SLC22A17: variants seen among roughly 807,000 people sequenced by gnomAD.
The protein encoded by SLC22A17 is 24p3 receptor.
SLC22A17 carries 38 observed loss-of-function variants against 53.6 expected under a neutral mutation model. That is an observed-to-expected ratio of 0.71 (90% CI 0.55 to 0.93). The LOEUF is 0.93. Ranked by LOEUF, SLC22A17 falls within the 40% of genes least tolerant of loss-of-function variation. The pLI is 0.00. For missense variants in SLC22A17, 704 were observed against 791.0 expected, an observed-to-expected ratio of 0.89 and a Z score of 1.32; for synonymous variants, 379 against 353.0, an observed-to-expected ratio of 1.07 and a Z score of -0.82.
chr14:23,348,452 A>G lies in SLC22A17; in HGVS notation c.1025+54T>C, dbSNP rs977651413. The G allele has an allele frequency of 5.0e-6, 8 of 1,596,392 alleles. 1 individual carries two copies. The Admixed American group carries it at 6.8e-5, about 13-fold the overall frequency. ...GAGGAGGGGTCTCCGGGCTAGGGCT[A>G]GTTTGGAGGCAGAGATGGGAATTGC... On this transcript the variant is annotated intron_variant, in intron 5 of 9. Coordinates refer to ENST00000397267, the Ensembl canonical transcript of SLC22A17. This position sits in a 1 kb window ranked among gnomAD's most constrained non-coding sequence, Gnocchi z 4.5.
chr14:23,346,819 G>A (rs769426522), exon 10 of SLC22A17: 124 of 1,540,694 alleles, frequency 8.0e-5, no homozygotes, highest in Middle Eastern at 2.1e-4. Context: ...AGAGGAGGGC[G>A]CAGGCCGCCA....
chr14:23,351,074 G>T (rs765393537), intron 3 of SLC22A17: 2 of 152,246 alleles, frequency 1.3e-5, no homozygotes, highest in Non-Finnish European at 2.9e-5. Context: ...AGAGTTATTG[G>T]TTGCTGGGAT....
In SLC22A17 at chr14:23,347,126, C is replaced by T; in HGVS notation, c.1636G>A (p.Ala546Thr). ...CGGACAGTGGTGGGGATGACCTCAG[C>T]AGCAAGGAGGGTGCTGAGGATGGCG... is the stretch of plus-strand genomic sequence containing the variant. The change falls in exon 9 of 10, where the codon GCT (alanine) becomes ACT (threonine). Residue 546 changes from alanine (A) to threonine (T), a missense_variant. This residue lies in a region of SLC22A17 where 196 missense variants were observed against 171.5 expected (regional missense o/e 1.14). Transcript: ENST00000397267. The surrounding 1 kb of genome is among the most constrained non-coding windows in gnomAD (Gnocchi z 5.1). The T allele has an allele frequency of 3.1e-6, 5 of 1,613,666 alleles. No individual in the cohort carries two copies. Among genetic ancestry groups the T allele is most frequent in the South Asian group, 2.2e-5 (2 of 91,030 alleles).
At chr14:23,350,444 G>A (rs1889550739) in intron 3 of SLC22A17, among the ~76,000 whole-genome samples, 1 of 152,184 alleles carries the variant, frequency 6.6e-6, no homozygotes, top group African/African-American at 2.4e-5. Flanking sequence ...GTAAGGATAA[G>A]GTCACAGACC....
chr14:23,346,983 T>C, intron 9 of SLC22A17, 47 bp from the exon 10 acceptor site: 1 of 1,499,214 alleles, frequency 6.7e-7, no homozygotes, highest in Non-Finnish European at 8.9e-7. Flanking sequence ...GTAGCCTTGC[T>C]GGGCCCTTCT....
rs780884240 is a variant in SLC22A17, at chr14:23,352,020, C to A, written c.528G>T (p.Pro176=). 11 of 1,610,616 alleles carry A rather than the reference C, an allele frequency of 6.8e-6. No homozygotes were observed. The highest frequency in any genetic ancestry group is 9.3e-6 in the Non-Finnish European group (11 of 1,178,496). The change falls in exon 2 of 10, where the codon CCG becomes CCT. Residue 176 remains proline, a synonymous_variant. Coordinates refer to ENST00000397267, the Ensembl canonical transcript of SLC22A17. This position sits in a 1 kb window ranked among gnomAD's most constrained non-coding sequence, Gnocchi z 7.2. ...AATCCTTGAGGCAATGGTTGAAGTC[C>A]GGCGGGGCGAAGCCGCTGCACGAGG...
rs772146357 is a variant in SLC22A17 at position 23,349,259 on chromosome 14, G to A, written c.859+13C>T. 6.2e-7 allele frequency: 1 copy of A among 1,613,990 alleles called. No homozygotes were observed. Among genetic ancestry groups the A allele is most frequent in the South Asian group, 1.1e-5 (1 of 91,068 alleles). ...AGACCCAAGGGAGGGAATTCTGGGA[G>A]GGTGCCACTTACGCATCAGGTAGAC... On this transcript the variant is annotated intron_variant, in intron 4 of 9. Transcript: ENST00000397267.
intron 3 of SLC22A17, 85 bp downstream of exon 3, chr14:23,351,667 G>A: frequency 1.7e-6 from 2 of 1,159,152 alleles, no homozygotes; most frequent in Non-Finnish European, 2.5e-6. Flanking sequence ...AATCGTCTTC[G>A]ACCTCCTGTA....
chr14:23,347,694 C>T lies in SLC22A17; in HGVS notation c.1315G>A (p.Val439Met). ...TCCGATGGGCTCCCTCCTCCTCCCA[C>T]AGGCTGGTAGCAGTGGCGAATGGCA... Residue 439 changes from valine to methionine, a missense_variant, in exon 8 of 10, where the codon GTG (valine) becomes ATG (methionine). Physicochemically the swap from Val to Met is conservative, Grantham distance 21. Around this residue, in one of 4 missense-constraint regions of SLC22A17, gnomAD observed 435 missense variants for 529.0 expected, o/e 0.82. Coordinates refer to ENST00000397267, the Ensembl canonical transcript of SLC22A17. The surrounding 1 kb of genome is among the most constrained non-coding windows in gnomAD (Gnocchi z 5.1). 1.2e-6 allele frequency: 2 copies of T among 1,614,010 alleles called. No homozygotes were observed. Among genetic ancestry groups the T allele is most frequent in the Non-Finnish European group, 1.7e-6 (2 of 1,180,010 alleles).
exon 4 of SLC22A17, chr14:23,349,397 G>T: frequency 6.2e-7 from 1 of 1,613,792 alleles, no homozygotes; most frequent in Non-Finnish European, 8.5e-7. Context: ...CAGCCCCAAG[G>T]TCAGCAGCAC....
rs1181927209 is a variant in SLC22A17, at chr14:23,347,338, T to G, written c.1549+122A>C. On this transcript the variant is annotated intron_variant, in intron 8 of 9. Transcript: ENST00000397267. The surrounding 1 kb of genome is among the most constrained non-coding windows in gnomAD (Gnocchi z 5.1). Reference sequence around the variant, plus strand: ...TGGGCAGGCTCTGGGCATTCAGTAATTGACTGGGAGAGCAGATGGGGCTGT... The same window carrying G: ...TGGGCAGGCTCTGGGCATTCAGTAAGTGACTGGGAGAGCAGATGGGGCTGT... The G allele has an allele frequency of 7.0e-5, 104 of 1,484,298 alleles. No homozygotes were observed. Among genetic ancestry groups the G allele is most frequent in the Non-Finnish European group, 9.3e-5 (102 of 1,098,552 alleles). The allele number at this position is 1,484,298 out of a possible 1,614,324, so 91.9% of individuals were successfully genotyped here.
chr14:23,349,237 C>T, intron 4 of SLC22A17, 35 bp downstream of exon 4: 1 of 1,613,830 alleles, frequency 6.2e-7, no homozygotes, highest in South Asian at 1.1e-5. Flanking sequence ...AGGCATGAGA[C>T]CCAAGGGAGG....
chr14:23,346,694 C>T lies in SLC22A17; in HGVS notation c.1904G>A (p.Arg635His), dbSNP rs770056116. The change falls in exon 10 of 10, where the codon CGC (arginine) becomes CAC (histidine). Residue 635 changes from arginine to histidine, a missense_variant. Physicochemically the swap from Arg to His is conservative, Grantham distance 29 (BLOSUM62 0). Around this residue, in one of 4 missense-constraint regions of SLC22A17, gnomAD observed 196 missense variants for 171.5 expected, o/e 1.14. Coordinates refer to ENST00000397267, the Ensembl canonical transcript of SLC22A17. ...GGCAAGCAGCGGGACGTGGTCACAG[C>T]GGGTAGGGGGTGGCTGCCGCAGCAG... The T allele has an allele frequency of 5.2e-6, 8 of 1,534,642 alleles. No individual in the cohort carries two copies. Among genetic ancestry groups the T allele is most frequent in the African/African-American group, 2.7e-5 (2 of 74,240 alleles).
In SLC22A17 at chr14:23,349,634, C is replaced by T. The variant is rs1595011213; in HGVS notation, c.705-208G>A. On this transcript the variant is annotated intron_variant, in intron 3 of 9. Transcript: ENST00000397267. ...TGGGCACTGGGGTGTGGTTGTGGTT[C>T]TTTAAGAGGTGGGAACATTGACTCT... is the stretch of plus-strand genomic sequence containing the variant. The T allele has an allele frequency of 5.0e-6, 3 of 604,224 alleles. No individual in the cohort carries two copies. The East Asian group carries it at 8.4e-5, about 17-fold the overall frequency. 37.4% of individuals were successfully genotyped at this position (604,224 alleles called of 1,614,324 possible).
rs769452086 is a variant in SLC22A17, at chr14:23,351,929, G to A, written c.600+19C>T. The stretch of plus-strand genomic sequence containing the variant: ...CTCTCTGCCCGCCCCCAGACCCGCG[G>A]CCCGCCTGGCCGCCTCACCTGGCCG... On this transcript the variant is annotated intron_variant, in intron 2 of 9. Transcript: ENST00000397267. 61 of 1,611,292 alleles carry A rather than the reference G, an allele frequency of 3.8e-5. No individual in the cohort carries two copies. The Admixed American group carries it at 1.0e-3, about 27-fold the overall frequency.
Position 23,348,699 on chromosome 14 carries a change from G to T in SLC22A17, c.860-28C>A, listed in dbSNP as rs1379241641. ...GGAGATACAGCAGGGGTGGAGAGAG[G>T]AGAGGGAGGCCAGGGAGGAAGAAGG... On this transcript the variant is annotated intron_variant, in intron 4 of 9. Transcript: ENST00000397267. This position sits in a 1 kb window ranked among gnomAD's most constrained non-coding sequence, Gnocchi z 4.5. 1 of 1,583,186 alleles carries T rather than the reference G, an allele frequency of 6.3e-7. No homozygotes were observed. Among genetic ancestry groups the T allele is most frequent in the Non-Finnish European group, 8.6e-7 (1 of 1,165,782 alleles).
Position 23,352,344 on chromosome 14 carries a change from G to A in SLC22A17, c.204C>T (p.Ser68=). The change falls in exon 2 of 10, where the codon AGC becomes AGT. Residue 68 remains serine (S), a synonymous_variant. Coordinates refer to ENST00000397267, the Ensembl canonical transcript of SLC22A17. The surrounding 1 kb of genome is among the most constrained non-coding windows in gnomAD (Gnocchi z 7.2). ...GGCCTGGGGGCACGGCCAGCGACAGGCTGCTGCCCAGTCCGTCGCCGCCCG... is the reference window on the plus strand; with the variant it reads ...GGCCTGGGGGCACGGCCAGCGACAGACTGCTGCCCAGTCCGTCGCCGCCCG... 1 of 1,092,426 alleles carries A rather than the reference G, an allele frequency of 9.2e-7. No homozygotes were observed. Among genetic ancestry groups the A allele is most frequent in the Non-Finnish European group, 1.2e-6 (1 of 819,248 alleles). 67.7% of individuals were successfully genotyped at this position (1,092,426 alleles called of 1,614,324 possible). A position where few individuals can be genotyped will look rare whatever the true frequency, so the allele number is the denominator to read the frequency against.
In SLC22A17 at chr14:23,352,152, G is replaced by A. The variant is rs72542466; in HGVS notation, c.396C>T (p.Pro132=). ...GCTGCTCCCAGCCAGAGGCATTAGG[G>A]GGGAAGGCCCCGTAGTGGCAATGCA... The change falls in exon 2 of 10, where the codon CCC becomes CCT. Residue 132 remains proline, a synonymous_variant. Transcript: ENST00000397267. The surrounding 1 kb of genome is among the most constrained non-coding windows in gnomAD (Gnocchi z 7.2). 0.045 allele frequency: 70,546 copies of A among 1,564,658 alleles called. 2,349 individuals carry two copies. Among genetic ancestry groups the A allele is most frequent in the South Asian group, 0.15 (12,282 of 83,448 alleles).
chr14:23,352,149 AG>A lies in SLC22A17; in HGVS notation c.398del (p.Pro133LeufsTer22). On this transcript the variant is annotated frameshift_variant, in exon 2 of 10. Coordinates refer to ENST00000397267, the Ensembl canonical transcript of SLC22A17. LOFTEE classifies it high-confidence loss of function. This position sits in a 1 kb window ranked among gnomAD's most constrained non-coding sequence, Gnocchi z 7.2. ...GAGGCTGCTCCCAGCCAGAGGCATT[AG>A]GGGGGAAGGCCCCGTAGTGGCAATG... The A allele has an allele frequency of 6.4e-7, 1 of 1,566,904 alleles. No homozygotes were observed. Among genetic ancestry groups the A allele is most frequent in the Admixed American group, 1.9e-5 (1 of 51,350 alleles).
Sources: gnomAD v4.1 joint callset for allele counts (sites outside exome capture counted in the v4.1 genomes callset) on GRCh38, gnomAD v4.1.1 for gene constraint, gnomAD v4.1.1 regional missense constraint, Gnocchi (gnomAD v3.1) non-coding constraint, MANE v1.5 for transcripts, NCBI Gene and HGNC (gene_info 2026-07-23, HGNC 2026-07-21) for gene names.